The following PCDHA4 variants were observed in gnomAD, a reference collection of about 807,000 sequenced individuals.
The protein encoded by PCDHA4 is protocadherin alpha-4.
Under a neutral mutation model 61.4 loss-of-function variants are expected in PCDHA4, and 49 were observed. The ratio of observed to expected loss-of-function variants is 0.80; its 90% CI spans 0.63 to 1.01. PCDHA4 has a LOEUF of 1.01. Ranked by LOEUF, PCDHA4 falls within the 50% of genes least tolerant of loss-of-function variation. The probability of loss-of-function intolerance (pLI) is 0.00; values close to 1 mark genes in which losing one functional copy is unlikely to be tolerated. For synonymous variants in PCDHA4, 590 were observed against 550.3 expected (o/e 1.07, Z -1.01); for missense variants, 1,254 against 1,235.8 (o/e 1.01, Z -0.22).
intron 1 of PCDHA4, chr5:140,930,241 C>T (rs2086688232): frequency 1.3e-5 from 2 of 152,148 alleles, no homozygotes; most frequent in African/African-American, 2.4e-5. Context: ...ATCCAAAGTC[C>T]ATTCAACTTG....
rs1382251688 is a variant in PCDHA4, at chr5:141,010,812, C to A, written c.*875C>A. The A allele has an allele frequency of 6.5e-6, 1 of 153,746 alleles. No homozygotes were observed. Among genetic ancestry groups the A allele is most frequent in the Non-Finnish European group, 1.5e-5 (1 of 68,054 alleles). The allele number at this position is 153,746 out of a possible 1,614,324, so 9.5% of individuals were successfully genotyped here. On this transcript the variant is annotated 3_prime_UTR_variant, in exon 4 of 4. Coordinates refer to ENST00000530339, the MANE Select transcript of PCDHA4 (RefSeq NM_018907.4). The stretch of plus-strand genomic sequence containing the variant: ...GCAAAAGAAAACCCCGACACCTCAC[C>A]TTTCGCTGTTTGTTGTTTCATAGAT...
chr5:140,868,490 A>C (rs1383994336), intron 1 of PCDHA4: 1 of 152,330 alleles, frequency 6.6e-6, no homozygotes, highest in African/African-American at 2.4e-5. Flanking sequence ...TTTTTCTTTG[A>C]GTTCCCTAGC....
At chr5:140,908,452 T>A (rs2073982140) in intron 1 of PCDHA4, among the ~76,000 whole-genome samples, 1 of 152,196 alleles carries the variant, frequency 6.6e-6, no homozygotes, top group African/African-American at 2.4e-5. Context: ...TATGGCTAGA[T>A]GGATCAGAAA....
intron 1 of PCDHA4, among the ~76,000 whole-genome samples, chr5:140,962,829 C>CT (rs1342441888): frequency 6.6e-6 from 1 of 152,190 alleles, no homozygotes; most frequent in East Asian, 1.9e-4. Flanking sequence ...CCATTTGTCT[C>CT]TTTTTTATTA....
chr5:140,877,240 G>T, intron 1 of PCDHA4: 1 of 1,613,736 alleles, frequency 6.2e-7, no homozygotes, highest in Non-Finnish European at 8.5e-7. Flanking sequence ...TGCGGGCCAC[G>T]TGGTGGCGAA....
At chr5:140,860,617 A>G (rs2046479685) in intron 1 of PCDHA4, 1 of 152,238 alleles carries the variant, frequency 6.6e-6, no homozygotes, top group Non-Finnish European at 1.5e-5. Context: ...GAGAAACATA[A>G]ACATATGCAG....
intron 1 of PCDHA4, chr5:140,882,302 C>T (rs2059055627): frequency 1.2e-6 from 2 of 1,613,794 alleles, no homozygotes; most frequent in Non-Finnish European, 8.5e-7. Context: ...CCCAAGACCG[C>T]GGCAACTACT....
intron 1 of PCDHA4, chr5:140,825,365 TAAATATCTA>T (rs1226822956): frequency 1.4e-5 from 2 of 147,138 alleles, no homozygotes; most frequent in African/African-American, 5.0e-5. Context: ...ATTAGATATA[TAAATATCTA>T]AAATATCTAA....
In PCDHA4 at chr5:140,849,498, A is replaced by T. The variant is rs1347480492; in HGVS notation, c.2385+39926A>T. On this transcript the variant is annotated intron_variant, in intron 1 of 3. Transcript: ENST00000530339. Reference sequence around the variant, plus strand: ...CTTCCCACCCCTGGCTGGTCATTGTACACTTCTTGTGGAAGTTGTGGATGT... The same window carrying T: ...CTTCCCACCCCTGGCTGGTCATTGTTCACTTCTTGTGGAAGTTGTGGATGT... 6.9e-6 allele frequency: 11 copies of T among 1,593,514 alleles called. 1 individual carries two copies. The highest frequency in any genetic ancestry group is 9.4e-6 in the Non-Finnish European group (11 of 1,165,148).
Position 140,843,512 on chromosome 5 carries a change from G to T in PCDHA4, c.2385+33940G>T, listed in dbSNP as rs2150361484. The T allele has an allele frequency of 6.3e-6, 10 of 1,595,848 alleles. 1 individual carries two copies. Among genetic ancestry groups the T allele is most frequent in the Non-Finnish European group, 8.6e-6 (10 of 1,165,572 alleles). On this transcript the variant is annotated intron_variant, in intron 1 of 3. Coordinates refer to ENST00000530339, the MANE Select transcript of PCDHA4 (RefSeq NM_018907.4). ...GTGCTCAGCACTGCCCACTGAGGGC[G>T]GGTGCCGGGCGGGCAAGCCCACTCT...
intron 1 of PCDHA4, chr5:140,829,251 G>C: frequency 6.2e-7 from 1 of 1,614,268 alleles, no homozygotes; most frequent in Non-Finnish European, 8.5e-7. Flanking sequence ...CAGGTGAACT[G>C]CTCGCTGACG....
chr5:140,877,467 G>T (rs1554169776), intron 1 of PCDHA4: 2 of 1,613,868 alleles, frequency 1.2e-6, no homozygotes, highest in Non-Finnish European at 1.7e-6. Flanking sequence ...CGGCCACGGT[G>T]CTGGTGTCGC....
intron 1 of PCDHA4, chr5:140,849,462 G>GTC (rs2150438289): frequency 6.3e-7 from 1 of 1,588,650 alleles, no homozygotes; most frequent in Non-Finnish European, 8.6e-7. Context: ...AGTCGAGGCT[G>GTC]TCGATAAAGG....
At chr5:140,878,028 G>A in intron 1 of PCDHA4, 1 of 666,892 alleles carries the variant, frequency 1.5e-6, no homozygotes, top group Non-Finnish European at 2.2e-6. Context: ...AAATATGTAG[G>A]TACAATGGAG....
chr5:140,837,753 T>G (rs1775240938), intron 1 of PCDHA4, among the ~76,000 whole-genome samples: 1 of 151,848 alleles, frequency 6.6e-6, no homozygotes, highest in South Asian at 2.1e-4. Context: ...TATAGCCCAC[T>G]GCAACCTGAA....
Position 140,853,387 on chromosome 5 carries a change from C to T in PCDHA4, c.2385+43815C>T, listed in dbSNP as rs2150531459. 3.0e-6 allele frequency: 3 copies of T among 985,448 alleles called. No homozygotes were observed. In the Admixed American group the frequency reaches 1.9e-4, roughly 62 times the overall value. The allele number at this position is 985,448 out of a possible 1,614,324, so 61.0% of individuals were successfully genotyped here. ...CCAGAGATGGTAAAATTCAAAACAGCCTGTCAAGTTCAAAACAGAGAGGTG... is the reference window on the plus strand; with the variant it reads ...CCAGAGATGGTAAAATTCAAAACAGTCTGTCAAGTTCAAAACAGAGAGGTG... On this transcript the variant is annotated intron_variant, in intron 1 of 3. Coordinates refer to ENST00000530339, the MANE Select transcript of PCDHA4 (RefSeq NM_018907.4).
At chr5:140,848,630 G>T in intron 1 of PCDHA4, 1 of 1,593,376 alleles carries the variant, frequency 6.3e-7, no homozygotes, top group Non-Finnish European at 8.6e-7. Flanking sequence ...GCACCTTCGT[G>T]GGCCGCATCG....
Position 140,833,672 on chromosome 5 carries a change from TC to T in PCDHA4, c.2385+24104del, listed in dbSNP as rs2150210323. 1.4e-3 allele frequency among the ~76,000 whole-genome samples: 206 copies of T among 152,280 alleles called. 1 individual carries two copies. Among genetic ancestry groups the T allele is most frequent in the African/African-American group, 4.4e-3 (183 of 41,568 alleles). On this transcript the variant is annotated intron_variant, in intron 1 of 3. Transcript: ENST00000530339. The stretch of plus-strand genomic sequence containing the variant: ...ATACAAATTCTTCCCCTTCAAAGAT[TC>T]CCCAAACCTTCTCTTATTTTGTTTT...
intron 1 of PCDHA4, chr5:140,968,527 G>A (rs782634339): frequency 9.3e-6 from 15 of 1,614,142 alleles, no homozygotes; most frequent in Middle Eastern, 1.6e-4. Flanking sequence ...CAACCAACTC[G>A]TCAGCAGCCT....
Sources: allele counts gnomAD v4.1 joint callset (sites outside exome capture counted in the v4.1 genomes callset), GRCh38; gene constraint gnomAD v4.1.1; transcripts MANE v1.5; gene names NCBI Gene and HGNC (gene_info 2026-07-23, HGNC 2026-07-21).